Variants in KLHL32 observed in about 807,000 individuals in gnomAD.
KLHL32 encodes the protein kelch-like protein 32.
KLHL32 carries 35 observed loss-of-function variants against 64.8 expected under a neutral mutation model. The ratio of observed to expected loss-of-function variants is 0.54; its 90% CI spans 0.41 to 0.72. The LOEUF (loss-of-function observed/expected upper bound fraction) is 0.72, where lower values mean the gene tolerates loss of function less well. Ranked by LOEUF, KLHL32 falls within the 30% of genes least tolerant of loss-of-function variation. The probability of loss-of-function intolerance (pLI) is 0.00; values close to 1 mark genes in which losing one functional copy is unlikely to be tolerated. For synonymous variants in KLHL32, 259 were observed against 281.0 expected (o/e 0.92, Z 0.78); for missense variants, 589 against 768.5 (o/e 0.77, Z 2.76).
chr6:96,937,105 C>T (rs1246319111), intron 1 of KLHL32, among the ~76,000 whole-genome samples: 1 of 152,074 alleles, frequency 6.6e-6, no homozygotes, highest in Admixed American at 6.6e-5. Context: ...AAAGTTCACC[C>T]ATTGTAACTG....
At chr6:97,052,263 G>A (rs78863391) in intron 4 of KLHL32, among the ~76,000 whole-genome samples, 11,128 of 152,250 alleles carry the variant, frequency 0.073, 882 homozygotes, top group Admixed American at 0.22. Context: ...TGCACATGCA[G>A]ATGCAGACTG....
intron 4 of KLHL32, among the ~76,000 whole-genome samples, chr6:97,061,018 T>TCA (rs1788796910): frequency 2.6e-5 from 4 of 152,092 alleles, no homozygotes; most frequent in African/African-American, 9.7e-5. Flanking sequence ...TGAGATGTGA[T>TCA]CATCTCATTA....
chr6:97,114,683 AAAT>A, intron 7 of KLHL32, 174 bp downstream of exon 7: 1 of 701,252 alleles, frequency 1.4e-6, no homozygotes, highest in South Asian at 1.8e-5. Context: ...ATGTAATTGG[AAAT>A]AATATGCCTT....
the KLHL32 span, among the ~76,000 whole-genome samples, chr6:96,900,976 G>A: frequency 1.1e-4 from 17 of 152,154 alleles, no homozygotes; most frequent in Admixed American, 4.6e-4. Context: ...GCAGTGTTTT[G>A]GGTCTGTAAA....
Position 96,985,933 on chromosome 6 carries a change from A to C in KLHL32, c.204+9756A>C, listed in dbSNP as rs543018746. ...GCTGGTGAGGAGCTGTGTCCTTTGG[A>C]GGAGGAGAGGTGCTCTGATTTTTAG... On this transcript the variant is annotated intron_variant, in intron 3 of 10. Transcript: ENST00000369261. Among the ~76,000 whole-genome samples, 15 of 152,188 alleles carry C rather than the reference A, an allele frequency of 9.9e-5. No homozygotes were observed. The South Asian group carries it at 3.1e-3, about 32-fold the overall frequency.
chr6:96,954,517 G>A (rs563905698), intron 1 of KLHL32, among the ~76,000 whole-genome samples: 1 of 152,098 alleles, frequency 6.6e-6, no homozygotes, highest in African/African-American at 2.4e-5. Flanking sequence ...GACTTCTTAG[G>A]TTTGGTGTTG....
the KLHL32 span, among the ~76,000 whole-genome samples, chr6:96,913,808 G>A: frequency 6.6e-6 from 1 of 152,200 alleles, no homozygotes; most frequent in Non-Finnish European, 1.5e-5. Context: ...GGCCAGGCTG[G>A]CACTGTCCCC....
chr6:96,997,765 G>C (rs1778574341), intron 3 of KLHL32, among the ~76,000 whole-genome samples: 3 of 151,942 alleles, frequency 2.0e-5, no homozygotes, highest in Non-Finnish European at 4.4e-5. Flanking sequence ...CCATACAAGA[G>C]ATCCTCCTGC....
chr6:96,952,237 T>TA (rs1772715851), intron 1 of KLHL32, among the ~76,000 whole-genome samples: 1 of 152,242 alleles, frequency 6.6e-6, no homozygotes, highest in Non-Finnish European at 1.5e-5. Flanking sequence ...TACTTGTTTT[T>TA]ATTAATGTTT....
Position 97,017,790 on chromosome 6 carries a change from A to G in KLHL32, c.205-23702A>G, listed in dbSNP as rs138680943. On this transcript the variant is annotated intron_variant, in intron 3 of 10. Transcript: ENST00000369261. The stretch of plus-strand genomic sequence containing the variant: ...AGGAGGGTATGACTAGAAGGACACA[A>G]TGGTTATGAAACAGAGGTACCTGTT... Among the ~76,000 whole-genome samples, 24 of 152,268 alleles carry G rather than the reference A, an allele frequency of 1.6e-4. No individual in the cohort carries two copies. In the East Asian group the frequency reaches 4.6e-3, roughly 29 times the overall value.
intron 1 of KLHL32, among the ~76,000 whole-genome samples, chr6:96,948,595 T>A (rs1385158102): frequency 6.6e-6 from 1 of 152,124 alleles, no homozygotes; most frequent in Admixed American, 6.6e-5. Context: ...CTAATAGTAT[T>A]TAGCAGTTTT....
chr6:97,138,176 C>T (rs1000129765), intron 10 of KLHL32, among the ~76,000 whole-genome samples: 1 of 152,188 alleles, frequency 6.6e-6, no homozygotes, highest in African/African-American at 2.4e-5. Context: ...AAAGAATTTT[C>T]CTGCTTCAAA....
At chr6:97,086,327 G>C (rs1027498333) in intron 6 of KLHL32, among the ~76,000 whole-genome samples, 2 of 152,156 alleles carry the variant, frequency 1.3e-5, no homozygotes, top group African/African-American at 4.8e-5. Context: ...TCTACTGACT[G>C]ATTATTTTCC....
intron 2 of KLHL32, among the ~76,000 whole-genome samples, chr6:96,973,730 C>CTCTTTTTTTTTTTTTTTTTTTT (rs1554208428): frequency 3.4e-5 from 4 of 118,268 alleles, no homozygotes; most frequent in African/African-American, 1.3e-4. Flanking sequence ...TACAGATTGC[C>CTCTTTTTTTTTTTTTTTTTTTT]TTTTTTTTTT....
At chr6:97,075,690 C>T (rs1356667264) in intron 5 of KLHL32, among the ~76,000 whole-genome samples, 2 of 152,112 alleles carry the variant, frequency 1.3e-5, no homozygotes, top group East Asian at 1.9e-4. Context: ...TTTCTCTACT[C>T]CTGGAGTACC....
chr6:97,059,250 A>G (rs974825891), intron 4 of KLHL32, among the ~76,000 whole-genome samples: 1 of 152,218 alleles, frequency 6.6e-6, no homozygotes, highest in African/African-American at 2.4e-5. Flanking sequence ...TGAGGAGGAC[A>G]TTGAAGATGG....
chr6:97,107,960 G>T (rs1796633416), intron 6 of KLHL32, among the ~76,000 whole-genome samples: 1 of 152,206 alleles, frequency 6.6e-6, no homozygotes. Context: ...GTTGGATTAA[G>T]CTGTAGCTAA....
At chr6:97,057,479 G>GTTTT (rs2128143683) in intron 4 of KLHL32, among the ~76,000 whole-genome samples, 1 of 89,188 alleles carries the variant, frequency 1.1e-5, no homozygotes, top group Non-Finnish European at 2.0e-5. Flanking sequence ...ACCGCGCCCG[G>GTTTT]CCGAGTATCT....
chr6:96,933,876 G>A (rs917807012), intron 1 of KLHL32, among the ~76,000 whole-genome samples: 1 of 152,210 alleles, frequency 6.6e-6, no homozygotes, highest in Admixed American at 6.5e-5. Flanking sequence ...AGTTAGGCTA[G>A]GGGTTGACAC....
Sources: gnomAD v4.1 joint callset for allele counts (sites outside exome capture counted in the v4.1 genomes callset) on GRCh38, gnomAD v4.1.1 for gene constraint, MANE v1.5 for transcripts, NCBI Gene and HGNC (gene_info 2026-07-23, HGNC 2026-07-21) for gene names.